The following ZNF43 variants were observed in gnomAD, a reference collection of about 807,000 sequenced individuals.
The protein encoded by ZNF43 is zinc finger protein 39-like 1 (KOX 27).
A neutral mutation model predicts 68.4 loss-of-function variants in ZNF43; 44 were observed. The observed-to-expected ratio is 0.64, with a 90% CI of 0.51 to 0.83. The LOEUF (loss-of-function observed/expected upper bound fraction) is 0.83. ZNF43 is among the 40% of genes least tolerant of loss of function. The pLI, the probability that ZNF43 is intolerant of heterozygous loss-of-function variation, is 0.00. For missense variants in ZNF43, 896 were observed against 933.2 expected (o/e 0.96, Z 0.52); for synonymous variants, 308 against 307.8 (o/e 1.00, Z -0.01).
intron 1 of ZNF43, among the ~76,000 whole-genome samples, chr19:21,849,139 G>T (rs751057122): frequency 1.3e-5 from 2 of 152,108 alleles, no homozygotes; most frequent in African/African-American, 2.4e-5. Context: ...TCACCTGCTT[G>T]CTGAACTCTA....
At chr19:21,849,575 C>T (rs541985465) in intron 1 of ZNF43, among the ~76,000 whole-genome samples, 8 of 150,176 alleles carry the variant, frequency 5.3e-5, no homozygotes, top group Non-Finnish European at 7.4e-5. Flanking sequence ...CTGGGGAGGC[C>T]GAGGTGGGTG....
chr19:21,839,331 CA>C (rs61335194), upstream of ZNF43, among the ~76,000 whole-genome samples: 63 of 28,294 alleles, frequency 2.2e-3, no homozygotes, highest in South Asian at 3.4e-3. Context: ...AGAGATCAGG[CA>C]AAAAAAAAAA....
intron 1 of ZNF43, among the ~76,000 whole-genome samples, chr19:21,828,222 A>G (rs1015962649): frequency 6.6e-6 from 1 of 152,234 alleles, no homozygotes; most frequent in African/African-American, 2.4e-5. Context: ...ATTCTAAAAA[A>G]TTGTTTGTAA....
chr19:21,844,221 C>G (rs971449457), intron 1 of ZNF43, among the ~76,000 whole-genome samples: 20 of 151,678 alleles, frequency 1.3e-4, no homozygotes, highest in African/African-American at 4.8e-4. Context: ...TACAAAAAAG[C>G]CGGGCATATC....
In ZNF43 at chr19:21,807,670, G is replaced by C. The variant is rs1158528928; in HGVS notation, c.2367C>G (p.Leu789=). 3.8e-6 allele frequency: 6 copies of C among 1,597,364 alleles called. No individual in the cohort carries two copies. Among genetic ancestry groups the C allele is most frequent in the Non-Finnish European group, 5.1e-6 (6 of 1,172,062 alleles). Residue 789 remains leucine, a synonymous_variant, in exon 4 of 4, where the codon CTC becomes CTG. Coordinates refer to ENST00000354959, the MANE Select transcript of ZNF43 (RefSeq NM_003423.4). ...THNKIHTGEK[L]YKPEDVTVIL... ...TCACTGTCACATCTTCAGGTTTGTA[G>C]AGTTTCTCTCCAGTATGAATTTTGT...
At chr19:21,826,985 T>C in intron 1 of ZNF43, 1 of 152,762 alleles carries the variant, frequency 6.5e-6, no homozygotes, top group Non-Finnish European at 1.5e-5. Flanking sequence ...AGCTCTCCAT[T>C]TGAGTAACAC....
At chr19:21,835,355 GTTTTTT>G (rs554756455) in intron 1 of ZNF43, among the ~76,000 whole-genome samples, 18 of 119,606 alleles carry the variant, frequency 1.5e-4, no homozygotes, top group African/African-American at 5.9e-4. Context: ...ATCTAGTTTA[GTTTTTT>G]TTTTTTTTTT....
At chr19:21,817,753 T>C (rs2037599336) in intron 3 of ZNF43, 135 bp downstream of exon 3, 8 of 905,626 alleles carry the variant, frequency 8.8e-6, no homozygotes, top group Admixed American at 4.8e-5. Context: ...GAAAGCAAAA[T>C]GAAAAAACTC....
intron 1 of ZNF43, chr19:21,845,557 A>T (rs1967891957): frequency 6.6e-6 from 1 of 152,122 alleles, no homozygotes; most frequent in African/African-American, 2.4e-5. Flanking sequence ...ACCAGGGCTT[A>T]TGTAGGAGAC....
chr19:21,821,576 C>T (rs998294564), intron 1 of ZNF43, among the ~76,000 whole-genome samples: 1 of 152,058 alleles, frequency 6.6e-6, no homozygotes, highest in Non-Finnish European at 1.5e-5. Context: ...TAGTAAGGAC[C>T]CCAGTTTTCC....
intron 1 of ZNF43, among the ~76,000 whole-genome samples, chr19:21,841,844 A>G (rs1967553477): frequency 6.6e-6 from 1 of 152,250 alleles, no homozygotes; most frequent in Non-Finnish European, 1.5e-5. Context: ...TTAGCAGGTG[A>G]AGAGAGTCCC....
upstream of ZNF43, chr19:21,839,759 A>C (rs959296440): frequency 6.6e-6 from 1 of 152,204 alleles, no homozygotes. Flanking sequence ...GTTCACAAAT[A>C]TGTCACTATG....
intron 3 of ZNF43, among the ~76,000 whole-genome samples, chr19:21,810,963 C>T (rs79327994): frequency 0.04 from 6,034 of 151,854 alleles, 198 homozygotes; most frequent in South Asian, 0.15. Context: ...ACAACGACGA[C>T]GACAAATAAA....
At chr19:21,819,006 A>G in intron 2 of ZNF43, 89 bp downstream of exon 2, 1 of 1,498,688 alleles carries the variant, frequency 6.7e-7, no homozygotes, top group East Asian at 2.5e-5. Flanking sequence ...CATGAATGCA[A>G]AGTATAAATT....
At chr19:21,849,255 G>A (rs1344303562) in intron 1 of ZNF43, among the ~76,000 whole-genome samples, 2 of 152,108 alleles carry the variant, frequency 1.3e-5, no homozygotes, top group Non-Finnish European at 2.9e-5. Flanking sequence ...TTGGGAGGCC[G>A]AGGCGGGTGG....
intron 1 of ZNF43, among the ~76,000 whole-genome samples, chr19:21,850,138 G>C (rs767572387): frequency 6.6e-6 from 1 of 151,596 alleles, no homozygotes; most frequent in Non-Finnish European, 1.5e-5. Flanking sequence ...CCAGGCCCAG[G>C]CAGGAGAGAC....
chr19:21,839,868 C>T (rs149234701), upstream of ZNF43: 209 of 152,244 alleles, frequency 1.4e-3, no homozygotes, highest in African/African-American at 4.7e-3. Context: ...TGAGGAAAAA[C>T]GTAACTTCAT....
intron 1 of ZNF43, among the ~76,000 whole-genome samples, chr19:21,825,997 C>T (rs908340612): frequency 9.2e-5 from 14 of 152,018 alleles, no homozygotes; most frequent in East Asian, 1.9e-4. Flanking sequence ...TGCAGTAGGC[C>T]GAGATGGTGC....
chr19:21,822,087 T>C (rs1419748459), intron 1 of ZNF43, among the ~76,000 whole-genome samples: 1 of 46,526 alleles, frequency 2.1e-5, no homozygotes, highest in Non-Finnish European at 4.8e-5. Context: ...AGTTCACCTA[T>C]TTTTGTCCTT....
Sources: allele counts gnomAD v4.1 joint callset (sites outside exome capture counted in the v4.1 genomes callset), GRCh38; gene constraint gnomAD v4.1.1; transcripts MANE v1.5; gene names NCBI Gene and HGNC (gene_info 2026-07-23, HGNC 2026-07-21).